LRRTM4: variants seen among roughly 807,000 people sequenced by gnomAD.
The protein encoded by LRRTM4 is leucine-rich repeat transmembrane neuronal protein 4.
LRRTM4 carries 25 observed loss-of-function variants against 47.6 expected under a neutral mutation model. The observed-to-expected ratio is 0.53, with a 90% confidence interval of 0.38 to 0.73. LRRTM4 has a LOEUF of 0.73. Ranked by LOEUF, LRRTM4 falls within the 30% of genes least tolerant of loss-of-function variation. The pLI is 0.00. For missense variants in LRRTM4, 638 were observed against 713.4 expected (o/e 0.89, Z 1.20); for synonymous variants, 311 against 269.5 (o/e 1.15, Z -1.51).
At chr2:77,446,487 A>G (rs1191811282) in intron 3 of LRRTM4, among the ~76,000 whole-genome samples, 1 of 152,132 alleles carries the variant, frequency 6.6e-6, no homozygotes, top group East Asian at 1.9e-4. Flanking sequence ...GCTTATATTG[A>G]ATATTAACAG....
At chr2:76,908,288 T>C (rs1471483919) in intron 3 of LRRTM4, among the ~76,000 whole-genome samples, 13 of 152,116 alleles carry the variant, frequency 8.5e-5, no homozygotes, top group African/African-American at 1.7e-4. Flanking sequence ...TGACAAAATT[T>C]AACAACCTTC....
intron 3 of LRRTM4, among the ~76,000 whole-genome samples, chr2:77,327,188 G>T (rs1310517659): frequency 6.6e-6 from 1 of 152,180 alleles, no homozygotes; most frequent in Non-Finnish European, 1.5e-5. Flanking sequence ...TATACCTATT[G>T]TGGTACTAAA....
intron 3 of LRRTM4, among the ~76,000 whole-genome samples, chr2:76,969,306 C>G (rs1225159635): frequency 2.6e-5 from 4 of 151,832 alleles, no homozygotes; most frequent in African/African-American, 9.7e-5. Flanking sequence ...TTTTATCTAT[C>G]TCATTTTTTA....
chr2:77,392,290 C>A (rs1007080331), intron 3 of LRRTM4, among the ~76,000 whole-genome samples: 4 of 152,076 alleles, frequency 2.6e-5, no homozygotes, highest in South Asian at 2.1e-4. Flanking sequence ...CCCTGCCCCC[C>A]ACCCATCCCA....
At chr2:77,346,498 C>T (rs978793254) in intron 3 of LRRTM4, among the ~76,000 whole-genome samples, 9 of 152,020 alleles carry the variant, frequency 5.9e-5, no homozygotes, top group Non-Finnish European at 1.0e-4. Context: ...TATGTACTTA[C>T]ATGGGGACAT....
At chr2:76,799,231 C>A (rs1462971272) in intron 3 of LRRTM4, among the ~76,000 whole-genome samples, 1 of 120,676 alleles carries the variant, frequency 8.3e-6, no homozygotes, top group Non-Finnish European at 1.6e-5. Flanking sequence ...AATCCAGCAG[C>A]ACATCAAAAA....
At chr2:77,121,011 G>A (rs1028040018) in intron 3 of LRRTM4, among the ~76,000 whole-genome samples, 1 of 151,764 alleles carries the variant, frequency 6.6e-6, no homozygotes, top group Non-Finnish European at 1.5e-5. Flanking sequence ...TCTGTGTACG[G>A]GCTATGTGTG....
chr2:77,058,425 A>G (rs951868796), intron 3 of LRRTM4, among the ~76,000 whole-genome samples: 1 of 152,164 alleles, frequency 6.6e-6, no homozygotes, highest in Admixed American at 6.6e-5. Flanking sequence ...TACATAGTCA[A>G]TATAAAATAA....
chr2:77,416,522 C>A (rs1231683406), intron 3 of LRRTM4, among the ~76,000 whole-genome samples: 1 of 152,040 alleles, frequency 6.6e-6, no homozygotes, highest in East Asian at 1.9e-4. Context: ...GATAATCGCC[C>A]AACATTAAAA....
intron 3 of LRRTM4, among the ~76,000 whole-genome samples, chr2:77,389,774 C>A (rs1056170449): frequency 2.0e-5 from 3 of 152,006 alleles, no homozygotes; most frequent in African/African-American, 7.2e-5. Context: ...TAATAGCCAA[C>A]CTCCCTTTCT....
intron 3 of LRRTM4, among the ~76,000 whole-genome samples, chr2:76,992,012 T>C (rs1010896798): frequency 2.0e-5 from 3 of 151,804 alleles, no homozygotes; most frequent in African/African-American, 4.8e-5. Flanking sequence ...GTTCACCACA[T>C]AAAGAAAATC....
chr2:76,787,682 AG>A (rs767614857), intron 3 of LRRTM4, among the ~76,000 whole-genome samples: 1 of 152,080 alleles, frequency 6.6e-6, no homozygotes, highest in Non-Finnish European at 1.5e-5. Context: ...CATTGACTAC[AG>A]CACACTTATT....
At chr2:77,107,514 T>G (rs996987625) in intron 3 of LRRTM4, among the ~76,000 whole-genome samples, 1 of 152,104 alleles carries the variant, frequency 6.6e-6, no homozygotes, top group African/African-American at 2.4e-5. Flanking sequence ...ATTGAACATA[T>G]AGCAAGTGAT....
chr2:76,852,313 C>T (rs911576094), intron 3 of LRRTM4, among the ~76,000 whole-genome samples: 5 of 152,140 alleles, frequency 3.3e-5, no homozygotes, highest in African/African-American at 1.2e-4. Flanking sequence ...ATCACAGCTT[C>T]GTACCATCCT....
chr2:77,519,347 T>C lies in LRRTM4; in HGVS notation c.522A>G (p.Ile174Met). Residue 174 changes from isoleucine to methionine, a missense_variant, in exon 3 of 4, where the codon ATA (isoleucine) becomes ATG (methionine). Coordinates refer to ENST00000409884, the MANE Select transcript of LRRTM4 (RefSeq NM_001134745.3). The surrounding 1 kb of genome is among the most constrained non-coding windows in gnomAD (Gnocchi z 4.6). ...GATTCCGACAGTCTTGAAAAACTCTTATGGGCACAGTCTTTAGTGAGTTAG... is the reference window on the plus strand; with the variant it reads ...GATTCCGACAGTCTTGAAAAACTCTCATGGGCACAGTCTTTAGTGAGTTAG... The part of the protein sequence containing the change: ...LRSNSLKTVP[I>M]RVFQDCRNLD... 1 of 1,613,448 alleles carries C rather than the reference T, an allele frequency of 6.2e-7. No homozygotes were observed. Among genetic ancestry groups the C allele is most frequent in the Non-Finnish European group, 8.5e-7 (1 of 1,179,602 alleles).
chr2:76,935,016 T>G (rs1410425218), intron 3 of LRRTM4, among the ~76,000 whole-genome samples: 3 of 151,542 alleles, frequency 2.0e-5, no homozygotes, highest in African/African-American at 7.3e-5. Context: ...AATATGCTGA[T>G]TATCGAACTT....
intron 3 of LRRTM4, among the ~76,000 whole-genome samples, chr2:77,269,939 G>A (rs1676148389): frequency 6.6e-6 from 1 of 152,164 alleles, no homozygotes; most frequent in African/African-American, 2.4e-5. Context: ...AGTAACATAG[G>A]CACTTTCATG....
At chr2:76,802,827 G>T (rs796423045) in intron 3 of LRRTM4, among the ~76,000 whole-genome samples, 52 of 152,162 alleles carry the variant, frequency 3.4e-4, no homozygotes, top group African/African-American at 1.2e-3. Context: ...TTTTGACAAA[G>T]GGACCAAGAA....
chr2:77,213,219 C>T lies in LRRTM4; in HGVS notation c.1551+305099G>A, dbSNP rs1223920193. On this transcript the variant is annotated intron_variant, in intron 3 of 3. Coordinates refer to ENST00000409884, the MANE Select transcript of LRRTM4 (RefSeq NM_001134745.3). Reference sequence around the variant, plus strand: ...CTTTTAAATACCATCAGCATGTCAGCTGTAAAGTAGGGAAGTGTGGTCTTG... The same window carrying T: ...CTTTTAAATACCATCAGCATGTCAGTTGTAAAGTAGGGAAGTGTGGTCTTG... Among the ~76,000 whole-genome samples the T allele has an allele frequency of 3.3e-5, 5 of 152,124 alleles. No individual in the cohort carries two copies. The East Asian group carries it at 9.6e-4, about 29-fold the overall frequency.
Sources: gnomAD v4.1 joint callset for allele counts (sites outside exome capture counted in the v4.1 genomes callset) on GRCh38, gnomAD v4.1.1 for gene constraint, Gnocchi (gnomAD v3.1) non-coding constraint, MANE v1.5 for transcripts, NCBI Gene and HGNC (gene_info 2026-07-23, HGNC 2026-07-21) for gene names.